Variants in EPM2A observed in about 807,000 individuals in gnomAD.
EPM2A encodes the protein laforin.
In EPM2A, 21 loss-of-function variants were observed where a neutral mutation model predicts 26.5. The observed-to-expected ratio is 0.79, with a 90% CI of 0.56 to 1.14. The LOEUF (loss-of-function observed/expected upper bound fraction) is 1.14. Ranked by LOEUF, EPM2A falls within the 50% of genes most tolerant of loss-of-function variation. EPM2A has a pLI of 0.00. For missense variants in EPM2A, 458 were observed against 440.8 expected, an observed-to-expected ratio of 1.04 and a Z score of -0.35; for synonymous variants, 217 against 177.6, an observed-to-expected ratio of 1.22 and a Z score of -1.76.
At chr6:145,527,947 C>CA (rs922046110) in intron 2 of EPM2A, among the ~76,000 whole-genome samples, 53 of 146,206 alleles carry the variant, frequency 3.6e-4, no homozygotes, top group East Asian at 1.6e-3. Flanking sequence ...ACGCAAATAA[C>CA]AAAAAAAAAA....
intron 2 of EPM2A, among the ~76,000 whole-genome samples, chr6:145,685,243 G>A (rs534619756): frequency 2.4e-4 from 36 of 152,058 alleles, no homozygotes; most frequent in Non-Finnish European, 4.6e-4. Flanking sequence ...GTTAGTAGGT[G>A]GAAATAGATG....
At chr6:145,632,557 C>T (rs550601519) in intron 3 of EPM2A, among the ~76,000 whole-genome samples, 2 of 152,282 alleles carry the variant, frequency 1.3e-5, no homozygotes, top group South Asian at 4.1e-4. Flanking sequence ...GAAATCTACA[C>T]CACCATTCCA....
intron 2 of EPM2A, among the ~76,000 whole-genome samples, chr6:145,554,769 G>C (rs981953960): frequency 2.6e-5 from 4 of 151,998 alleles, no homozygotes; most frequent in Non-Finnish European, 5.9e-5. Flanking sequence ...CCTTCCTAAG[G>C]CATCACCTAT....
chr6:145,631,946 T>C (rs1203921299), intron 3 of EPM2A: 2 of 152,010 alleles, frequency 1.3e-5, no homozygotes, highest in Non-Finnish European at 2.9e-5. Context: ...GAATATATTA[T>C]GTGGGGGGCA....
chr6:145,703,360 G>A (rs1782038339), intron 1 of EPM2A, among the ~76,000 whole-genome samples: 1 of 151,832 alleles, frequency 6.6e-6, no homozygotes, highest in South Asian at 2.1e-4. Context: ...CAAAGTGCTG[G>A]GATTACAGGT....
chr6:145,626,185 T>A lies in EPM2A; in HGVS notation c.*1231A>T. ...TTCATGGTCCAATCCTGCATTACAGTTGGTTGAATGCAGGTCTGTTTCTAG... is the reference window on the plus strand; with the variant it reads ...TTCATGGTCCAATCCTGCATTACAGATGGTTGAATGCAGGTCTGTTTCTAG... On this transcript the variant is annotated 3_prime_UTR_variant, in exon 4 of 4. Coordinates refer to ENST00000367519, the MANE Select transcript of EPM2A (RefSeq NM_005670.4). 1.0e-6 allele frequency: 1 copy of A among 999,052 alleles called. No individual in the cohort carries two copies. Among genetic ancestry groups the A allele is most frequent in the Non-Finnish European group, 1.2e-6 (1 of 837,906 alleles). 61.9% of individuals were successfully genotyped at this position (999,052 alleles called of 1,614,324 possible). A position where few individuals can be genotyped will look rare whatever the true frequency, so the allele number is the denominator to read the frequency against.
chr6:145,406,063 T>C (rs1191582282), intron 4 of EPM2A, among the ~76,000 whole-genome samples: 1 of 151,946 alleles, frequency 6.6e-6, no homozygotes, highest in Non-Finnish European at 1.5e-5. Flanking sequence ...TCTGTCTTTA[T>C]CTTTTTTACA....
intron 4 of EPM2A, among the ~76,000 whole-genome samples, chr6:145,455,287 A>T (rs1779248394): frequency 8.4e-6 from 1 of 119,600 alleles, no homozygotes; most frequent in African/African-American, 3.1e-5. Context: ...AGTGCTTTCA[A>T]ATGTAAAAAT....
intron 2 of EPM2A, among the ~76,000 whole-genome samples, chr6:145,505,102 G>C (rs1779951418): frequency 8.5e-6 from 1 of 117,464 alleles, no homozygotes; most frequent in Non-Finnish European, 1.7e-5. Context: ...TGGTGGGGTG[G>C]GGGGAGGGGG....
intron 4 of EPM2A, among the ~76,000 whole-genome samples, chr6:145,451,453 A>C (rs1457365169): frequency 6.6e-6 from 1 of 152,248 alleles, no homozygotes; most frequent in Admixed American, 6.5e-5. Context: ...GTTTTGATGT[A>C]GCATCAAAGA....
intron 4 of EPM2A, among the ~76,000 whole-genome samples, chr6:145,474,857 A>T (rs1764985589): frequency 6.6e-6 from 1 of 152,196 alleles, no homozygotes; most frequent in Non-Finnish European, 1.5e-5. Flanking sequence ...CAGCCAACAA[A>T]ATATGAAAAA....
intron 4 of EPM2A, among the ~76,000 whole-genome samples, chr6:145,404,065 T>C (rs1242203509): frequency 6.6e-6 from 1 of 152,174 alleles, no homozygotes; most frequent in Non-Finnish European, 1.5e-5. Flanking sequence ...TATGTCTTCT[T>C]GTGAGAAGTG....
intron 2 of EPM2A, among the ~76,000 whole-genome samples, chr6:145,607,049 T>A (rs1775279040): frequency 6.6e-6 from 1 of 152,156 alleles, no homozygotes; most frequent in Non-Finnish European, 1.5e-5. Context: ...ACCAATCAAG[T>A]ATTTTCTTGA....
At chr6:145,696,741 A>AG (rs999024948) in intron 1 of EPM2A, among the ~76,000 whole-genome samples, 3 of 150,874 alleles carry the variant, frequency 2.0e-5, no homozygotes, top group African/African-American at 7.3e-5. Context: ...GTATGATCCT[A>AG]GTAATGAATC....
intron 4 of EPM2A, among the ~76,000 whole-genome samples, chr6:145,471,597 A>G (rs576922840): frequency 6.6e-6 from 1 of 152,296 alleles, no homozygotes; most frequent in East Asian, 1.9e-4. Flanking sequence ...CATGGTGTGA[A>G]GAGCCTCTAT....
intron 2 of EPM2A, among the ~76,000 whole-genome samples, chr6:145,586,427 A>G (rs1307123791): frequency 6.6e-6 from 1 of 152,212 alleles, no homozygotes; most frequent in African/African-American, 2.4e-5. Flanking sequence ...GGGGCTTGCC[A>G]TATGGAATAA....
chr6:145,453,138 C>A (rs1779218362), intron 4 of EPM2A, among the ~76,000 whole-genome samples: 1 of 152,162 alleles, frequency 6.6e-6, no homozygotes, highest in Admixed American at 6.5e-5. Context: ...GTTTACTTGT[C>A]CAACAGGCCC....
intron 1 of EPM2A, among the ~76,000 whole-genome samples, chr6:145,688,357 G>A (rs1781066280): frequency 6.6e-6 from 1 of 152,166 alleles, no homozygotes; most frequent in Non-Finnish European, 1.5e-5. Context: ...AGGACTTGGT[G>A]ATTAATTGGA....
At chr6:145,416,679 G>A (rs1195805931) in intron 4 of EPM2A, among the ~76,000 whole-genome samples, 1 of 152,132 alleles carries the variant, frequency 6.6e-6, no homozygotes, top group Admixed American at 6.6e-5. Context: ...TCCAGAATAA[G>A]TTGTCCCATA....
Sources: gnomAD v4.1 joint callset for allele counts (sites outside exome capture counted in the v4.1 genomes callset) on GRCh38, gnomAD v4.1.1 for gene constraint, MANE v1.5 for transcripts, NCBI Gene and HGNC (gene_info 2026-07-23, HGNC 2026-07-21) for gene names.